PRKN: variants seen among roughly 807,000 people sequenced by gnomAD.
PRKN encodes parkin RBR E3 ubiquitin protein ligase.
PRKN carries 56 observed loss-of-function variants against 59.5 expected under a neutral mutation model. That is an observed-to-expected ratio of 0.94 (90% confidence interval 0.76 to 1.18). The LOEUF (loss-of-function observed/expected upper bound fraction) is 1.18, where lower values mean the gene tolerates loss of function less well. Ranked by LOEUF, PRKN falls within the 50% of genes most tolerant of loss-of-function variation. The pLI is 0.00. For missense variants in PRKN, 657 were observed against 596.4 expected (o/e 1.10, Z -1.06); for synonymous variants, 250 against 222.1 (o/e 1.13, Z -1.12).
intron 3 of PRKN, among the ~76,000 whole-genome samples, chr6:162,216,367 A>G (rs934979297): frequency 2.7e-5 from 4 of 150,758 alleles, no homozygotes; most frequent in South Asian, 2.1e-4. Flanking sequence ...CGTCTCTACT[A>G]AAAATACAAA....
At chr6:161,958,094 C>T (rs747258461) in intron 6 of PRKN, among the ~76,000 whole-genome samples, 10 of 152,146 alleles carry the variant, frequency 6.6e-5, no homozygotes. Context: ...ATCCCAGAAG[C>T]TTACTGAATT....
chr6:161,612,643 C>A (rs969427941), intron 7 of PRKN, among the ~76,000 whole-genome samples: 5 of 149,980 alleles, frequency 3.3e-5, no homozygotes, highest in Non-Finnish European at 5.9e-5. Context: ...ATTGCTTGAA[C>A]CTGGGAGGCA....
At chr6:162,444,712 T>G (rs1395825895) in intron 1 of PRKN, among the ~76,000 whole-genome samples, 1 of 152,062 alleles carries the variant, frequency 6.6e-6, no homozygotes, top group African/African-American at 2.4e-5. Context: ...ATTCACCACA[T>G]TCCTCATGGA....
At chr6:161,416,121 GAC>G (rs1280542431) in intron 9 of PRKN, among the ~76,000 whole-genome samples, 1 of 152,152 alleles carries the variant, frequency 6.6e-6, no homozygotes, top group Non-Finnish European at 1.5e-5. Flanking sequence ...GAAATGCTCT[GAC>G]ACAGAGGTCA....
At chr6:162,490,606 T>C (rs371258110) in intron 1 of PRKN, among the ~76,000 whole-genome samples, 20 of 152,338 alleles carry the variant, frequency 1.3e-4, no homozygotes, top group Admixed American at 4.6e-4. Flanking sequence ...ACGAATTTCA[T>C]GCTTATTTGA....
chr6:161,715,147 T>G (rs781539048), intron 7 of PRKN, among the ~76,000 whole-genome samples: 6 of 152,214 alleles, frequency 3.9e-5, no homozygotes, highest in Non-Finnish European at 7.3e-5. Context: ...CACATTAGAC[T>G]TTTTTATGGT....
chr6:162,074,016 CTT>C (rs1005523813), intron 4 of PRKN, among the ~76,000 whole-genome samples: 1 of 150,488 alleles, frequency 6.6e-6, no homozygotes, highest in African/African-American at 2.5e-5. Flanking sequence ...AATAGGAACA[CTT>C]TTACACTGTT....
At chr6:161,801,959 G>A (rs923177451) in intron 6 of PRKN, among the ~76,000 whole-genome samples, 1 of 152,158 alleles carries the variant, frequency 6.6e-6, no homozygotes, top group African/African-American at 2.4e-5. Context: ...CAACAGGCAA[G>A]GCAGAGAAAG....
chr6:161,794,544 T>C (rs1175819694), intron 6 of PRKN, among the ~76,000 whole-genome samples: 3 of 152,160 alleles, frequency 2.0e-5, no homozygotes, highest in Non-Finnish European at 4.4e-5. Flanking sequence ...AAATATGAAC[T>C]AGTTTCGCAG....
chr6:161,567,516 T>C (rs1427698538), intron 8 of PRKN, among the ~76,000 whole-genome samples: 2 of 152,152 alleles, frequency 1.3e-5, no homozygotes, highest in Non-Finnish European at 2.9e-5. Context: ...TAGTAGGTAC[T>C]CAGTAAGTAT....
intron 6 of PRKN, among the ~76,000 whole-genome samples, chr6:161,830,452 C>T (rs1435863968): frequency 6.6e-6 from 1 of 152,016 alleles, no homozygotes; most frequent in East Asian, 1.9e-4. Context: ...CAGTGTTTCA[C>T]CGTGTTAGCC....
chr6:161,513,327 G>A (rs974499861), intron 9 of PRKN, among the ~76,000 whole-genome samples: 13 of 151,982 alleles, frequency 8.6e-5, no homozygotes, highest in South Asian at 2.1e-4. Flanking sequence ...TGCAACCTCC[G>A]CCCCCCGGGT....
chr6:162,004,384 C>A (rs187180244), intron 5 of PRKN, among the ~76,000 whole-genome samples: 23 of 152,266 alleles, frequency 1.5e-4, no homozygotes, highest in Admixed American at 1.5e-3. Context: ...GTACAGCCTG[C>A]AGAACCATGA....
intron 3 of PRKN, among the ~76,000 whole-genome samples, chr6:162,233,366 G>A (rs114118379): frequency 0.026 from 4,000 of 152,192 alleles, 176 homozygotes; most frequent in African/African-American, 0.092. Context: ...TGCATATCTC[G>A]TAATTCAGAT....
intron 6 of PRKN, among the ~76,000 whole-genome samples, chr6:161,879,846 G>A (rs531279952): frequency 6.6e-6 from 1 of 152,054 alleles, no homozygotes; most frequent in Non-Finnish European, 1.5e-5. Flanking sequence ...TAATTACAGT[G>A]TATTTTAAAG....
rs181131239 is a variant in PRKN at position 162,111,195 on chromosome 6, G to A, written c.535-57021C>T. Among the ~76,000 whole-genome samples, 27 of 152,280 alleles carry A rather than the reference G, an allele frequency of 1.8e-4. 1 individual carries two copies. The highest frequency in any genetic ancestry group is 6.5e-4 in the African/African-American group (27 of 41,562). ...AAGAGATGCACGCTGGCTGGACACA[G>A]TAGATCACGCCTTTAATCCCAGCAC... is the stretch of plus-strand genomic sequence containing the variant. On this transcript the variant is annotated intron_variant, in intron 4 of 11. Transcript: ENST00000366898.
At chr6:162,124,826 G>C (rs1781057219) in intron 4 of PRKN, among the ~76,000 whole-genome samples, 1 of 152,178 alleles carries the variant, frequency 6.6e-6, no homozygotes, top group Non-Finnish European at 1.5e-5. Flanking sequence ...TAACCTTCGG[G>C]ACCATCCATG....
chr6:161,431,178 T>G (rs929575520), intron 9 of PRKN, among the ~76,000 whole-genome samples: 1 of 151,630 alleles, frequency 6.6e-6, no homozygotes, highest in Non-Finnish European at 1.5e-5. Flanking sequence ...AAAATCTACG[T>G]TTTCCCATGT....
chr6:162,519,094 C>T (rs1315768158), intron 1 of PRKN, among the ~76,000 whole-genome samples: 3 of 152,124 alleles, frequency 2.0e-5, no homozygotes, highest in Non-Finnish European at 2.9e-5. Flanking sequence ...CGCTTGAACC[C>T]GGGAGGCGGA....
Sources: allele counts gnomAD v4.1 joint callset (sites outside exome capture counted in the v4.1 genomes callset), GRCh38; gene constraint gnomAD v4.1.1; transcripts MANE v1.5; gene names NCBI Gene and HGNC (gene_info 2026-07-23, HGNC 2026-07-21).